Variants in METAP1D observed in about 807,000 individuals in gnomAD.
The protein encoded by METAP1D is methionyl aminopeptidase type 1D, mitochondrial, also known as methionine aminopeptidase 1D, mitochondrial.
METAP1D carries 31 observed loss-of-function variants against 40.5 expected under a neutral mutation model. The observed-to-expected ratio is 0.77, with a 90% CI of 0.58 to 1.03. The LOEUF is 1.03. Ranked by LOEUF, METAP1D falls within the 50% of genes least tolerant of loss-of-function variation. METAP1D has a pLI of 0.00. For missense variants in METAP1D, 411 were observed against 420.7 expected, an observed-to-expected ratio of 0.98 and a Z score of 0.20; for synonymous variants, 151 against 146.4, an observed-to-expected ratio of 1.03 and a Z score of -0.22.
intron 1 of METAP1D, among the ~76,000 whole-genome samples, chr2:172,043,351 G>A (rs1367635088): frequency 7.6e-6 from 1 of 131,938 alleles, no homozygotes; most frequent in Non-Finnish European, 1.8e-5. Context: ...ATATTTGGAA[G>A]GAAGGAGGAT....
chr2:172,064,367 T>C (rs1690201557), intron 3 of METAP1D: 1 of 152,424 alleles, frequency 6.6e-6, no homozygotes, highest in South Asian at 2.1e-4. Context: ...TTAGTTCTTT[T>C]AGGCCAGGCG....
chr2:172,031,825 C>T (rs752081759), intron 1 of METAP1D, among the ~76,000 whole-genome samples: 4 of 152,174 alleles, frequency 2.6e-5, no homozygotes, highest in Non-Finnish European at 5.9e-5. Flanking sequence ...CAAAATAAAG[C>T]CCTACGTCGT....
intron 1 of METAP1D, among the ~76,000 whole-genome samples, chr2:172,017,365 ATATATATGTG>A (rs1379575028): frequency 9.5e-5 from 14 of 147,602 alleles, no homozygotes; most frequent in African/African-American, 3.5e-4. Flanking sequence ...GTATATATGT[ATATATATGTG>A]TATATATATG....
At chr2:172,008,217 A>G (rs771662172) in intron 1 of METAP1D, among the ~76,000 whole-genome samples, 2 of 152,128 alleles carry the variant, frequency 1.3e-5, no homozygotes, top group Non-Finnish European at 2.9e-5. Flanking sequence ...AGTACTTCAT[A>G]GTGGTGTTGC....
intron 7 of METAP1D, among the ~76,000 whole-genome samples, 162 bp downstream of exon 7, chr2:172,078,056 C>G (rs1033246677): frequency 2.6e-5 from 4 of 151,964 alleles, no homozygotes; most frequent in Non-Finnish European, 5.9e-5. Flanking sequence ...TTAATTTTAA[C>G]CGGGACATTA....
In METAP1D at chr2:172,081,233, G is replaced by A. The variant is rs1221203112; in HGVS notation, c.*827G>A. 6.6e-6 allele frequency: 1 copy of A among 151,864 alleles called. No individual in the cohort carries two copies. The highest frequency in any genetic ancestry group is 1.9e-4 in the East Asian group (1 of 5,166). The allele number at this position is 151,864 out of a possible 1,614,324, so 9.4% of individuals were successfully genotyped here. A position where few individuals can be genotyped will look rare whatever the true frequency, so the allele number is the denominator to read the frequency against. On this transcript the variant is annotated 3_prime_UTR_variant, in exon 10 of 10. Transcript: ENST00000315796. ...TGCTGCACTAGGAATTCGAGCTTGG[G>A]CCCCACTCGCCCAGGTGTGAACAGT... is the stretch of plus-strand genomic sequence containing the variant.
At position 172,042,966 on chromosome 2, in the gene METAP1D, C is replaced by CAT. The variant is rs1689638352; in HGVS notation, c.41-18532_41-18531insAT. Among the ~76,000 whole-genome samples, 4 of 125,850 alleles carry CAT rather than the reference C, an allele frequency of 3.2e-5. 1 individual carries two copies. The highest frequency in any genetic ancestry group is 3.1e-4 in the Admixed American group (4 of 12,720). 82.6% of individuals were successfully genotyped at this position (125,850 alleles called of 152,430 possible). Reference sequence around the variant, plus strand: ...GTATGCGTACCTGTGTATATATATGCGTACATGTGCATACATATGTGTGCG... The same window carrying CAT: ...GTATGCGTACCTGTGTATATATATGCATGTACATGTGCATACATATGTGTGCG... On this transcript the variant is annotated intron_variant, in intron 1 of 9. Coordinates refer to ENST00000315796, the MANE Select transcript of METAP1D (RefSeq NM_199227.3).
intron 1 of METAP1D, among the ~76,000 whole-genome samples, chr2:172,044,236 A>G (rs1689680063): frequency 7.5e-6 from 1 of 133,050 alleles, no homozygotes; most frequent in African/African-American, 2.5e-5. Flanking sequence ...ACACACATTT[A>G]ATATTTGTAA....
At chr2:172,067,153 A>T (rs1016632830) in intron 5 of METAP1D, among the ~76,000 whole-genome samples, 3 of 152,244 alleles carry the variant, frequency 2.0e-5, no homozygotes, top group Non-Finnish European at 4.4e-5. Context: ...AATTCTGTAC[A>T]TCTAATGATT....
At chr2:172,059,895 A>G (rs879271440) in intron 1 of METAP1D, among the ~76,000 whole-genome samples, 4 of 151,856 alleles carry the variant, frequency 2.6e-5, no homozygotes, top group Admixed American at 6.6e-5. Context: ...CTAAAAATAC[A>G]AAAAAATTAG....
chr2:172,057,351 A>G (rs1446992598), intron 1 of METAP1D, among the ~76,000 whole-genome samples: 1 of 152,176 alleles, frequency 6.6e-6, no homozygotes, highest in Non-Finnish European at 1.5e-5. Context: ...CAGAAGAGAA[A>G]CACTTGTGAG....
intron 1 of METAP1D, among the ~76,000 whole-genome samples, chr2:172,022,388 GT>G (rs1689028865): frequency 6.6e-6 from 1 of 152,014 alleles, no homozygotes; most frequent in Non-Finnish European, 1.5e-5. Flanking sequence ...AAATTTTTTT[GT>G]TTTTAATAAA....
chr2:172,027,850 A>G (rs545986657), intron 1 of METAP1D, among the ~76,000 whole-genome samples: 3 of 152,348 alleles, frequency 2.0e-5, no homozygotes, highest in Non-Finnish European at 4.4e-5. Flanking sequence ...GTAAGAAAGT[A>G]AAGTCTAAAC....
intron 1 of METAP1D, among the ~76,000 whole-genome samples, chr2:172,001,706 T>G (rs1295777196): frequency 6.6e-6 from 1 of 152,150 alleles, no homozygotes; most frequent in East Asian, 1.9e-4. Context: ...GGGAAGGTGA[T>G]GTAGCGAGCA....
chr2:172,028,157 T>A (rs1199637948), intron 1 of METAP1D, among the ~76,000 whole-genome samples: 1 of 143,442 alleles, frequency 7.0e-6, no homozygotes, highest in Non-Finnish European at 1.6e-5. Flanking sequence ...TGCCAGTAAC[T>A]AGGGGGGACC....
chr2:172,036,597 C>T (rs1485548338), intron 1 of METAP1D, among the ~76,000 whole-genome samples: 1 of 151,760 alleles, frequency 6.6e-6, no homozygotes, highest in Non-Finnish European at 1.5e-5. Flanking sequence ...GATCTCCTGA[C>T]CTCGTGATCC....
Position 172,080,833 on chromosome 2 carries a change from C to A in METAP1D, c.*427C>A. ...TTGTATCTGAACTTTGCACGTCTGC[C>A]GAAAAATCCGAACCTGTTGACTGGG... On this transcript the variant is annotated 3_prime_UTR_variant, in exon 10 of 10. Coordinates refer to ENST00000315796, the MANE Select transcript of METAP1D (RefSeq NM_199227.3). 5.2e-6 allele frequency: 1 copy of A among 193,366 alleles called. No homozygotes were observed. Among genetic ancestry groups the A allele is most frequent in the Non-Finnish European group, 1.1e-5 (1 of 93,140 alleles). The allele number at this position is 193,366 out of a possible 1,614,324, so 12.0% of individuals were successfully genotyped here. A position where few individuals can be genotyped will look rare whatever the true frequency, so the allele number is the denominator to read the frequency against.
At chr2:172,075,243 G>C (rs1690514388) in intron 6 of METAP1D, among the ~76,000 whole-genome samples, 1 of 152,134 alleles carries the variant, frequency 6.6e-6, no homozygotes. Flanking sequence ...TTGGGTTCAT[G>C]GGCAGATGTC....
chr2:172,034,586 C>G (rs1285212063), intron 1 of METAP1D, among the ~76,000 whole-genome samples: 1 of 152,142 alleles, frequency 6.6e-6, no homozygotes, highest in East Asian at 1.9e-4. Context: ...TTATGAAGTT[C>G]CTGAAAGGAT....
Sources: gnomAD v4.1 joint callset for allele counts (sites outside exome capture counted in the v4.1 genomes callset) on GRCh38, gnomAD v4.1.1 for gene constraint, MANE v1.5 for transcripts, NCBI Gene and HGNC (gene_info 2026-07-23, HGNC 2026-07-21) for gene names.